ADAMTS16: variants seen among roughly 807,000 people sequenced by gnomAD.
ADAMTS16 encodes A disintegrin and metalloproteinase with thrombospondin motifs 16.
In ADAMTS16, 94 loss-of-function variants were observed where a neutral mutation model predicts 145.8. The observed-to-expected ratio is 0.64, with a 90% CI of 0.55 to 0.77. The LOEUF (loss-of-function observed/expected upper bound fraction) is 0.77, where lower values mean the gene tolerates loss of function less well. Among genes scored for constraint, ADAMTS16 ranks in the 30% least tolerant of loss-of-function variants. The pLI, the probability that ADAMTS16 is intolerant of heterozygous loss-of-function variation, is 0.00. For missense variants in ADAMTS16, 1,585 were observed against 1,591.5 expected (o/e 1.00, Z 0.07); for synonymous variants, 659 against 604.3 (o/e 1.09, Z -1.33).
At position 5,235,626 on chromosome 5, in the gene ADAMTS16, G is replaced by A. The variant is rs578138047; in HGVS notation, c.2023+440G>A. ...ATGGAACAATTTTGAAGCATAGTAT[G>A]TTCAGAAAGTCTTGATCTATAACTA... On this transcript the variant is annotated intron_variant, in intron 13 of 22. Transcript: ENST00000274181. Among the ~76,000 whole-genome samples the A allele has an allele frequency of 8.5e-5, 13 of 152,292 alleles. 1 individual carries two copies. In the South Asian group the frequency reaches 2.1e-3, roughly 24 times the overall value.
In ADAMTS16 at chr5:5,312,470, A is replaced by C. The variant is rs180992714; in HGVS notation, c.3412-5664A>C. On this transcript the variant is annotated intron_variant, in intron 21 of 22. Coordinates refer to ENST00000274181, the MANE Select transcript of ADAMTS16 (RefSeq NM_139056.4). Reference sequence around the variant, plus strand: ...GTTATTTTTTTTTTTTTTTTGAGACAGAGTTTTGCTCTTGTCACCCAGGCT... The same window carrying C: ...GTTATTTTTTTTTTTTTTTTGAGACCGAGTTTTGCTCTTGTCACCCAGGCT... Among the ~76,000 whole-genome samples, 191 of 139,204 alleles carry C rather than the reference A, an allele frequency of 1.4e-3. 1 individual carries two copies. The highest frequency in any genetic ancestry group is 0.012 in the South Asian group (54 of 4,418). 91.3% of individuals were successfully genotyped at this position (139,204 alleles called of 152,430 possible). A position where few individuals can be genotyped will look rare whatever the true frequency, so the allele number is the denominator to read the frequency against.
intron 18 of ADAMTS16, among the ~76,000 whole-genome samples, chr5:5,279,688 A>C (rs1267895134): frequency 7.4e-6 from 1 of 135,126 alleles, no homozygotes; most frequent in African/African-American, 2.7e-5. Flanking sequence ...AGTTTTTTTG[A>C]ATTTTATCTT....
rs149969255 is a variant in ADAMTS16, at chr5:5,302,662, A to G, written c.2790-606A>G. Among the ~76,000 whole-genome samples, 1,065 of 152,338 alleles carry G rather than the reference A, an allele frequency of 7.0e-3. 6 individuals carry two copies. Among genetic ancestry groups the G allele is most frequent in the Non-Finnish European group, 0.012 (808 of 68,022 alleles). ...AGAGAAGATGTGAATCTGTTGCACA[A>G]TCTGGACTTTATTAGGATCCTCAAA... On this transcript the variant is annotated intron_variant, in intron 18 of 22. Transcript: ENST00000274181.
chr5:5,313,190 G>A (rs1740526251), intron 21 of ADAMTS16, among the ~76,000 whole-genome samples: 1 of 152,128 alleles, frequency 6.6e-6, no homozygotes, highest in East Asian at 1.9e-4. Context: ...TTTTCCTGGG[G>A]GTGGTAATGG....
chr5:5,256,030 C>A (rs1233598310), intron 17 of ADAMTS16, among the ~76,000 whole-genome samples: 2 of 152,096 alleles, frequency 1.3e-5, no homozygotes, highest in African/African-American at 4.8e-5. Flanking sequence ...TTTTTTGGAA[C>A]CTGCTACCTG....
chr5:5,182,038 T>C lies in ADAMTS16; in HGVS notation c.502-6T>C, dbSNP rs1401575804. 6.3e-7 allele frequency: 1 copy of C among 1,579,358 alleles called. No homozygotes were observed. Among genetic ancestry groups the C allele is most frequent in the Admixed American group, 1.9e-5 (1 of 53,626 alleles). ...TGTTTTCTTTCTTTCCTTTTATTTT[T>C]TCCAGTCAGGCATGATACGAACAGA... On this transcript the variant is annotated splice_polypyrimidine_tract_variant and splice_region_variant and intron_variant, in intron 3 of 22. Transcript: ENST00000274181.
rs539592178 is a variant in ADAMTS16, at chr5:5,234,869, C to CAG, written c.1851-144_1851-143insGA. On this transcript the variant is annotated intron_variant, in intron 12 of 22. Transcript: ENST00000274181. ...TGGGTGACAGAGCGAGACTCCATCT[C>CAG]AAAAAAAAAAAAAAAAAAAGAATCC... is the stretch of plus-strand genomic sequence containing the variant. 58 of 56,502 alleles carry CAG rather than the reference C, an allele frequency of 1.0e-3. 5 individuals are homozygous for CAG. Among genetic ancestry groups the CAG allele is most frequent in the Admixed American group, 1.5e-3 (3 of 1,942 alleles). 3.5% of individuals were successfully genotyped at this position (56,502 alleles called of 1,614,324 possible).
rs144749680 is a variant in ADAMTS16 at position 5,291,743 on chromosome 5, C to T, written c.2790-11525C>T. 3.2e-3 allele frequency among the ~76,000 whole-genome samples: 486 copies of T among 150,474 alleles called. 3 individuals are homozygous for T. The highest frequency in any genetic ancestry group is 0.011 in the African/African-American group (453 of 40,916). ...AGGGTCATGGACCAGGGCAAGACTT[C>T]ACAAAGAACTTTGATTTGTGTTGCC... is the stretch of plus-strand genomic sequence containing the variant. On this transcript the variant is annotated intron_variant, in intron 18 of 22. Coordinates refer to ENST00000274181, the MANE Select transcript of ADAMTS16 (RefSeq NM_139056.4).
Position 5,292,229 on chromosome 5 carries a change from C to T in ADAMTS16, c.2790-11039C>T, listed in dbSNP as rs999278771. On this transcript the variant is annotated intron_variant, in intron 18 of 22. Coordinates refer to ENST00000274181, the MANE Select transcript of ADAMTS16 (RefSeq NM_139056.4). ...CACAAACCTGGGCCAGACGCAGTGGCTCACGCCTGTAATCCCAGCCCTTTA... is the reference window on the plus strand; with the variant it reads ...CACAAACCTGGGCCAGACGCAGTGGTTCACGCCTGTAATCCCAGCCCTTTA... Among the ~76,000 whole-genome samples the T allele has an allele frequency of 3.3e-5, 5 of 152,202 alleles. No individual in the cohort carries two copies. In the East Asian group the frequency reaches 5.8e-4, roughly 18 times the overall value.
At chr5:5,233,188 A>G (rs1210476148) in intron 12 of ADAMTS16, among the ~76,000 whole-genome samples, 1 of 144,568 alleles carries the variant, frequency 6.9e-6, no homozygotes, top group Non-Finnish European at 1.5e-5. Flanking sequence ...CAATGGTTTT[A>G]CGTGGAAAAA....
chr5:5,223,686 T>C (rs1330294392), intron 11 of ADAMTS16: 2 of 152,272 alleles, frequency 1.3e-5, no homozygotes, highest in East Asian at 3.9e-4. Flanking sequence ...TATTACTAAA[T>C]GGTAAAGAAT....
intron 18 of ADAMTS16, among the ~76,000 whole-genome samples, chr5:5,270,719 A>C (rs929552598): frequency 6.6e-6 from 1 of 152,192 alleles, no homozygotes; most frequent in Admixed American, 6.5e-5. Flanking sequence ...TTTTCTTCTG[A>C]AATGCAAAAT....
At chr5:5,247,145 C>A (rs1737472026) in intron 17 of ADAMTS16, among the ~76,000 whole-genome samples, 1 of 152,184 alleles carries the variant, frequency 6.6e-6, no homozygotes, top group African/African-American at 2.4e-5. Context: ...CCCATCCTCA[C>A]TTTGTGTGCT....
chr5:5,183,578 G>C (rs1306917525), intron 4 of ADAMTS16, among the ~76,000 whole-genome samples: 1 of 152,196 alleles, frequency 6.6e-6, no homozygotes, highest in Admixed American at 6.5e-5. Flanking sequence ...AAGCTCTTAA[G>C]CAGACGCCAC....
chr5:5,263,307 G>A (rs892868267), intron 18 of ADAMTS16, among the ~76,000 whole-genome samples: 1 of 152,140 alleles, frequency 6.6e-6, no homozygotes, highest in East Asian at 1.9e-4. Flanking sequence ...ACCCAAGCTC[G>A]GGTTCTCTGA....
intron 18 of ADAMTS16, among the ~76,000 whole-genome samples, chr5:5,302,673 A>G (rs938244492): frequency 5.9e-5 from 9 of 152,242 alleles, no homozygotes; most frequent in Non-Finnish European, 8.8e-5. Context: ...TCTGGACTTT[A>G]TTAGGATCCT....
chr5:5,284,556 G>A (rs1739040777), intron 18 of ADAMTS16, among the ~76,000 whole-genome samples: 2 of 152,258 alleles, frequency 1.3e-5, no homozygotes, highest in South Asian at 4.2e-4. Context: ...CAGGAGTGTT[G>A]TTCAGAAGGA....
At chr5:5,189,454 C>T (rs1334754196) in intron 6 of ADAMTS16, among the ~76,000 whole-genome samples, 1 of 152,156 alleles carries the variant, frequency 6.6e-6, no homozygotes, top group Non-Finnish European at 1.5e-5. Flanking sequence ...TGACCCACCT[C>T]CTCTCAGAAA....
Position 5,317,136 on chromosome 5 carries a change from G to A in ADAMTS16, c.3412-998G>A, listed in dbSNP as rs1272777075. Among the ~76,000 whole-genome samples the A allele has an allele frequency of 6.6e-6, 1 of 152,144 alleles. No homozygotes were observed. The highest frequency in any genetic ancestry group is 1.5e-5 in the Non-Finnish European group (1 of 68,030). ...CCAGCAGTGACAAGGGCTGGTCCTG[G>A]GGACAAGAGTTAGGGAAGTAAGTAC... On this transcript the variant is annotated intron_variant, in intron 21 of 22. Coordinates refer to ENST00000274181, the MANE Select transcript of ADAMTS16 (RefSeq NM_139056.4). This position sits in a 1 kb window ranked among gnomAD's most constrained non-coding sequence, Gnocchi z 4.5.
Sources: allele counts gnomAD v4.1 joint callset (sites outside exome capture counted in the v4.1 genomes callset), GRCh38; gene constraint gnomAD v4.1.1; non-coding constraint Gnocchi (gnomAD v3.1); transcripts MANE v1.5; gene names NCBI Gene and HGNC (gene_info 2026-07-23, HGNC 2026-07-21).